INTS9: variants seen among roughly 807,000 people sequenced by gnomAD.
The protein encoded by INTS9 is protein related to CPSF subunits of 74 kDa.
In INTS9, 55 loss-of-function variants were observed where a neutral mutation model predicts 79.7. The observed-to-expected ratio is 0.69, with a 90% CI of 0.56 to 0.86. The LOEUF is 0.86. Among genes scored for constraint, INTS9 ranks in the 40% least tolerant of loss-of-function variants. The pLI is 0.00. For missense variants in INTS9, 721 were observed against 831.5 expected (o/e 0.87, Z 1.64); for synonymous variants, 319 against 325.2 (o/e 0.98, Z 0.20).
chr8:28,831,986 T>C (rs1806517565), intron 6 of INTS9, among the ~76,000 whole-genome samples: 1 of 152,206 alleles, frequency 6.6e-6, no homozygotes, highest in African/African-American at 2.4e-5. Context: ...ATTACAGGCC[T>C]GAGCCACTGC....
At chr8:28,869,739 G>A (rs1808963538) in intron 1 of INTS9, among the ~76,000 whole-genome samples, 1 of 152,166 alleles carries the variant, frequency 6.6e-6, no homozygotes, top group Non-Finnish European at 1.5e-5. Context: ...CATACTCACT[G>A]TCAAACTGAC....
chr8:28,770,647 G>T (rs1277880349), intron 15 of INTS9, among the ~76,000 whole-genome samples: 1 of 152,194 alleles, frequency 6.6e-6, no homozygotes, highest in Non-Finnish European at 1.5e-5. Context: ...CCTGTGTGTG[G>T]GTCATTGGTA....
rs746313519 is a variant in INTS9, at chr8:28,856,148, C to T, written c.137+3288G>A. ...CTTTAGTAATGATACCTATAAAAGA[C>T]GAGAATGACTACAGCAGCACTGAAG... On this transcript the variant is annotated intron_variant, in intron 2 of 16. Coordinates refer to ENST00000521022, the MANE Select transcript of INTS9 (RefSeq NM_018250.4). Among the ~76,000 whole-genome samples, 58 of 152,148 alleles carry T rather than the reference C, an allele frequency of 3.8e-4. 1 individual carries two copies. Among genetic ancestry groups the T allele is most frequent in the Non-Finnish European group, 6.6e-4 (45 of 68,008 alleles).
At chr8:28,859,176 T>C (rs767350178) in intron 2 of INTS9, among the ~76,000 whole-genome samples, 1 of 152,180 alleles carries the variant, frequency 6.6e-6, no homozygotes, top group Non-Finnish European at 1.5e-5. Context: ...AGATGAAATA[T>C]ACATGACCTC....
chr8:28,783,738 C>T (rs573362865), intron 11 of INTS9: 1 of 152,196 alleles, frequency 6.6e-6, no homozygotes, highest in Non-Finnish European at 1.5e-5. Flanking sequence ...GAGCAAACAT[C>T]GAATTCCCAC....
Position 28,769,900 on chromosome 8 carries a change from TCTGCACGAA to T in INTS9, c.1780_1788del (p.Phe594_Gln596del). ...CGAAACCAGCTCACCTTCTCCAGGG[TCTGCACGAA>T]CTGCTCCACAGGGATGGAACCGCTC... On this transcript the variant is annotated inframe_deletion, in exon 16 of 17. Coordinates refer to ENST00000521022, the MANE Select transcript of INTS9 (RefSeq NM_018250.4). 1.2e-6 allele frequency: 2 copies of T among 1,614,070 alleles called. No homozygotes were observed. The highest frequency in any genetic ancestry group is 1.7e-6 in the Non-Finnish European group (2 of 1,179,974).
Position 28,848,897 on chromosome 8 carries a change from G to A in INTS9, c.198+1316C>T, listed in dbSNP as rs143526836. On this transcript the variant is annotated intron_variant, in intron 3 of 16. Transcript: ENST00000521022. ...CAATGCGCTGGTAATGGGATGCTTC[G>A]GAGCCTTCTGCAGGGAACAATGATT... 9.9e-5 allele frequency among the ~76,000 whole-genome samples: 15 copies of A among 152,240 alleles called. No individual in the cohort carries two copies. In the East Asian group the frequency reaches 2.9e-3, roughly 29 times the overall value.
chr8:28,865,999 T>A (rs1344467064), intron 1 of INTS9, among the ~76,000 whole-genome samples: 6 of 152,190 alleles, frequency 3.9e-5, no homozygotes, highest in Admixed American at 2.0e-4. Flanking sequence ...AGATTTATCT[T>A]ACATTTTGCT....
At chr8:28,818,494 G>A (rs1220007516) in intron 6 of INTS9, among the ~76,000 whole-genome samples, 1 of 152,172 alleles carries the variant, frequency 6.6e-6, no homozygotes, top group Non-Finnish European at 1.5e-5. Context: ...GCATCCCAGG[G>A]ATGAAGCCCA....
chr8:28,887,973 A>T (rs1810253662), intron 1 of INTS9, among the ~76,000 whole-genome samples: 2 of 152,226 alleles, frequency 1.3e-5, no homozygotes, highest in African/African-American at 4.8e-5. Context: ...CTCACTAATG[A>T]GTTGTTATGG....
chr8:28,771,225 G>A, intron 14 of INTS9, 145 bp from the exon 15 acceptor site: 1 of 697,988 alleles, frequency 1.4e-6, no homozygotes, highest in Non-Finnish European at 2.6e-6. Context: ...ATGGAGTCTT[G>A]CTCTGTCGCC....
chr8:28,811,477 G>A (rs1695123407), intron 8 of INTS9, among the ~76,000 whole-genome samples: 1 of 151,426 alleles, frequency 6.6e-6, no homozygotes, highest in Admixed American at 6.6e-5. Flanking sequence ...ACTGGAGTAC[G>A]GTGGCGCAAT....
chr8:28,830,617 C>G (rs1397596575), intron 6 of INTS9, among the ~76,000 whole-genome samples: 1 of 149,304 alleles, frequency 6.7e-6, no homozygotes. Flanking sequence ...AGAGTGAGAC[C>G]CTGTCTCAAA....
chr8:28,856,525 G>A (rs1585483408), intron 2 of INTS9, among the ~76,000 whole-genome samples: 1 of 152,098 alleles, frequency 6.6e-6, no homozygotes, highest in African/African-American at 2.4e-5. Flanking sequence ...GGGCTCAAGT[G>A]ATCCTCCTGC....
intron 4 of INTS9, among the ~76,000 whole-genome samples, chr8:28,839,397 A>G (rs1185089079): frequency 6.6e-6 from 1 of 151,986 alleles, no homozygotes; most frequent in African/African-American, 2.4e-5. Flanking sequence ...TGCCATCCCC[A>G]TCAAGCTACC....
intron 4 of INTS9, among the ~76,000 whole-genome samples, chr8:28,844,583 T>C (rs931728330): frequency 1.3e-5 from 2 of 152,100 alleles, no homozygotes; most frequent in African/African-American, 4.8e-5. Flanking sequence ...CCCAGCACTT[T>C]GGGAGGCCGA....
At chr8:28,885,635 C>T (rs1018529449) in intron 1 of INTS9, among the ~76,000 whole-genome samples, 10 of 152,130 alleles carry the variant, frequency 6.6e-5, no homozygotes, top group Admixed American at 1.3e-4. Flanking sequence ...TTATTTTATT[C>T]GCTTGACTCT....
intron 1 of INTS9, among the ~76,000 whole-genome samples, chr8:28,860,319 G>T (rs966742185): frequency 6.6e-6 from 1 of 152,124 alleles, no homozygotes; most frequent in African/African-American, 2.4e-5. Flanking sequence ...ATATCTATAT[G>T]GGACATGCTC....
intron 2 of INTS9, among the ~76,000 whole-genome samples, chr8:28,857,660 A>G (rs1808247993): frequency 6.6e-6 from 1 of 152,248 alleles, no homozygotes; most frequent in South Asian, 2.1e-4. Flanking sequence ...TATGGAATAC[A>G]GAGAAGATAA....
Sources: gnomAD v4.1 joint callset for allele counts (sites outside exome capture counted in the v4.1 genomes callset) on GRCh38, gnomAD v4.1.1 for gene constraint, MANE v1.5 for transcripts, NCBI Gene and HGNC (gene_info 2026-07-23, HGNC 2026-07-21) for gene names.